Variants in ADCY9 observed in about 807,000 individuals in gnomAD.
ADCY9 encodes adenylate cyclase 9.
ADCY9 carries 50 observed loss-of-function variants against 101.5 expected under a neutral mutation model. The observed-to-expected ratio is 0.49, with a 90% CI of 0.39 to 0.62. The LOEUF (loss-of-function observed/expected upper bound fraction) is 0.62, where lower values mean the gene tolerates loss of function less well. Among genes scored for constraint, ADCY9 ranks in the 20% least tolerant of loss-of-function variants. The pLI is 0.00. For missense variants in ADCY9, 1,662 were observed against 1,800.4 expected (o/e 0.92, Z 1.39); for synonymous variants, 905 against 769.3 (o/e 1.18, Z -2.92).
At chr16:3,971,964 C>G (rs1454184170) in intron 10 of ADCY9, among the ~76,000 whole-genome samples, 1 of 152,166 alleles carries the variant, frequency 6.6e-6, no homozygotes, top group Non-Finnish European at 1.5e-5. Flanking sequence ...AGCACATGGG[C>G]TAGTGCCAGA....
At chr16:4,103,427 C>T (rs1413102792) in intron 2 of ADCY9, among the ~76,000 whole-genome samples, 1 of 152,248 alleles carries the variant, frequency 6.6e-6, no homozygotes, top group Non-Finnish European at 1.5e-5. Flanking sequence ...GGTGAAACTG[C>T]TAGTGCCTGA....
At chr16:4,082,477 T>C (rs1038427159) in intron 2 of ADCY9, among the ~76,000 whole-genome samples, 1 of 152,166 alleles carries the variant, frequency 6.6e-6, no homozygotes, top group Non-Finnish European at 1.5e-5. Context: ...GTCCTCCCCG[T>C]TCCCACACAC....
At chr16:4,005,604 A>G (rs914052353) in intron 3 of ADCY9, among the ~76,000 whole-genome samples, 6 of 152,188 alleles carry the variant, frequency 3.9e-5, no homozygotes, top group Non-Finnish European at 5.9e-5. Flanking sequence ...TGCCAAGAAG[A>G]TACGCTAAAT....
intron 5 of ADCY9, among the ~76,000 whole-genome samples, chr16:3,991,401 G>C (rs1282138685): frequency 6.6e-6 from 1 of 152,074 alleles, no homozygotes; most frequent in African/African-American, 2.4e-5. Context: ...GCCAGAGGGA[G>C]AGCCTGAATC....
rs1265423266 is a variant in ADCY9 at position 4,007,491 on chromosome 16, C to T, written c.1761G>A (p.Leu587=). The change falls in exon 3 of 11, where the codon TTG becomes TTA. Residue 587 remains leucine (L), a synonymous_variant. Transcript: ENST00000294016. ...KESRCSCAEA[L]LSGFEVIDGS... is the part of the protein sequence containing the mutation. Reference sequence around the variant, plus strand: ...CGTCAATGACCTCAAAGCCAGAAAGCAAGGCCTCTGCACAGCTGCAGCGAG... The same window carrying T: ...CGTCAATGACCTCAAAGCCAGAAAGTAAGGCCTCTGCACAGCTGCAGCGAG... 8.1e-6 allele frequency: 13 copies of T among 1,614,152 alleles called. 1 individual carries two copies. In the South Asian group the frequency reaches 1.1e-4, roughly 14 times the overall value.
intron 2 of ADCY9, among the ~76,000 whole-genome samples, chr16:4,087,756 G>T (rs1242400360): frequency 1.3e-5 from 2 of 151,682 alleles, no homozygotes; most frequent in South Asian, 2.1e-4. Flanking sequence ...AAGCAATCCT[G>T]TTACTATTTG....
At position 4,007,537 on chromosome 16, in the gene ADCY9, G is replaced by A. The variant is rs375887137; in HGVS notation, c.1715C>T (p.Ser572Leu). 4.8e-5 allele frequency: 78 copies of A among 1,609,170 alleles called. No homozygotes were observed. Among genetic ancestry groups the A allele is most frequent in the Admixed American group, 1.0e-4 (6 of 58,482 alleles). The change falls in exon 3 of 11, where the codon TCG becomes TTG. Residue 572 changes from serine to leucine, a missense_variant. This residue lies in a region of ADCY9 where 624 missense variants were observed against 639.1 expected (regional missense o/e 0.98). Transcript: ENST00000294016. ...QLKGLKTYLI[S>L]GQRAKESRCS... ...GCGAGACTCCTTGGCTCTCTGACCCGATATCAGGTATGTCTTCAAACCTAT... is the reference window on the plus strand; with the variant it reads ...GCGAGACTCCTTGGCTCTCTGACCCAATATCAGGTATGTCTTCAAACCTAT...
chr16:4,082,639 C>T (rs931308491), intron 2 of ADCY9, among the ~76,000 whole-genome samples: 4 of 151,444 alleles, frequency 2.6e-5, no homozygotes, highest in African/African-American at 9.7e-5. Flanking sequence ...GGCACACCCA[C>T]GCATGCACGC....
chr16:4,038,280 C>CAAAA (rs71394643), intron 2 of ADCY9, among the ~76,000 whole-genome samples: 7 of 108,118 alleles, frequency 6.5e-5, no homozygotes, highest in African/African-American at 1.9e-4. Flanking sequence ...GATTCTGTCT[C>CAAAA]AAAAAAAAAA....
rs1022496880 is a variant in ADCY9, at chr16:3,963,503, G to C, written c.*2272C>G. 1.3e-5 allele frequency: 5 copies of C among 389,594 alleles called. No homozygotes were observed. The highest frequency in any genetic ancestry group is 6.5e-4 in the Middle Eastern group (1 of 1,548). The allele number at this position is 389,594 out of a possible 1,614,324, so 24.1% of individuals were successfully genotyped here. The stretch of plus-strand genomic sequence containing the variant: ...CTGTTTAGGAAGGCTCAGGGTGTTT[G>C]AAAGACAACGTTAAGCTCTGGGTGA... On this transcript the variant is annotated 3_prime_UTR_variant, in exon 11 of 11. Coordinates refer to ENST00000294016, the MANE Select transcript of ADCY9 (RefSeq NM_001116.4).
chr16:3,976,889 C>G (rs1332990265), intron 9 of ADCY9, among the ~76,000 whole-genome samples: 1 of 152,306 alleles, frequency 6.6e-6, no homozygotes, highest in East Asian at 1.9e-4. Flanking sequence ...AACTCCTGAC[C>G]TCAGGTGATC....
intron 2 of ADCY9, among the ~76,000 whole-genome samples, chr16:4,059,386 A>C (rs1360395650): frequency 2.0e-5 from 3 of 151,258 alleles, no homozygotes; most frequent in African/African-American, 7.3e-5. Context: ...ATCGAAAAAA[A>C]AAAAAAAAGA....
chr16:3,979,363 G>A lies in ADCY9; in HGVS notation c.2520-88C>T, dbSNP rs554804787. On this transcript the variant is annotated intron_variant, in intron 7 of 10. Transcript: ENST00000294016. ...CAGGTGCGAGGCCGCAGCCAGCGCC[G>A]CCCTCTGCTCTCTCCCGTGTTGCCC... 772 of 1,469,318 alleles carry A rather than the reference G, an allele frequency of 5.3e-4. 6 individuals carry two copies. In the South Asian group the frequency reaches 8.3e-3, roughly 16 times the overall value. 91.0% of individuals were successfully genotyped at this position (1,469,318 alleles called of 1,614,324 possible). A position where few individuals can be genotyped will look rare whatever the true frequency, so the allele number is the denominator to read the frequency against.
intron 3 of ADCY9, among the ~76,000 whole-genome samples, chr16:3,995,636 C>T (rs1182486951): frequency 6.6e-6 from 1 of 150,522 alleles, no homozygotes; most frequent in African/African-American, 2.4e-5. Context: ...AAAGCAATTT[C>T]CTTGCAGCAA....
At chr16:4,050,369 G>T (rs1350209618) in intron 2 of ADCY9, among the ~76,000 whole-genome samples, 1 of 152,206 alleles carries the variant, frequency 6.6e-6, no homozygotes, top group South Asian at 2.1e-4. Flanking sequence ...GTGCCCGTGT[G>T]TGTATGTACA....
intron 9 of ADCY9, among the ~76,000 whole-genome samples, chr16:3,975,618 T>G (rs1001488295): frequency 7.2e-5 from 11 of 152,266 alleles, no homozygotes; most frequent in African/African-American, 2.7e-4. Flanking sequence ...GGGGTCCCTC[T>G]GGTTCTCTTA....
intron 6 of ADCY9, among the ~76,000 whole-genome samples, chr16:3,987,577 C>G (rs1307668917): frequency 6.6e-6 from 1 of 152,232 alleles, no homozygotes; most frequent in Non-Finnish European, 1.5e-5. Context: ...GGGCCACCAA[C>G]CAGCCAACTG....
At chr16:4,009,690 C>G (rs1305838231) in intron 2 of ADCY9, among the ~76,000 whole-genome samples, 1 of 152,212 alleles carries the variant, frequency 6.6e-6, no homozygotes, top group East Asian at 1.9e-4. Flanking sequence ...GAAACGTGAA[C>G]TGGAATACGA....
intron 2 of ADCY9, among the ~76,000 whole-genome samples, chr16:4,110,528 T>A (rs564097317): frequency 1.3e-5 from 2 of 152,148 alleles, no homozygotes; most frequent in South Asian, 4.2e-4. Context: ...CACCTGGGAT[T>A]ACAGGCGCAC....
Sources: gnomAD v4.1 joint callset for allele counts (sites outside exome capture counted in the v4.1 genomes callset) on GRCh38, gnomAD v4.1.1 for gene constraint, gnomAD v4.1.1 regional missense constraint, MANE v1.5 for transcripts, NCBI Gene and HGNC (gene_info 2026-07-23, HGNC 2026-07-21) for gene names.